Variants in PPEF1 observed in about 807,000 individuals in gnomAD.
PPEF1 encodes protein phosphatase with EF-hand domain 1.
Under a neutral mutation model 53.3 loss-of-function variants are expected in PPEF1, and 12 were observed. The observed-to-expected ratio is 0.23, with a 90% CI of 0.14 to 0.36. PPEF1 has a LOEUF of 0.36. PPEF1 is among the 10% of genes least tolerant of loss of function. The probability of loss-of-function intolerance (pLI) is 1.00; values close to 1 mark genes in which losing one functional copy is unlikely to be tolerated. For missense variants in PPEF1, 334 were observed against 490.4 expected (o/e 0.68, Z 3.01); for synonymous variants, 165 against 176.7 (o/e 0.93, Z 0.52).
intron 6 of PPEF1, among the ~76,000 whole-genome samples, chrX:18,771,846 A>G: frequency 8.9e-6 from 1 of 111,823 alleles, no homozygotes; most frequent in Admixed American, 9.6e-5. Context: ...CAGGTGTAGT[A>G]GCTCATGCCT....
At chrX:18,695,417 T>C (rs1276295124) in intron 4 of PPEF1, among the ~76,000 whole-genome samples, 1 of 112,556 alleles carries the variant, frequency 8.9e-6, no homozygotes, top group Non-Finnish European at 1.9e-5. Flanking sequence ...AGTTTCTGGG[T>C]CCAGCCTATG....
chrX:18,826,986 G>A (rs1004886482), intron 15 of PPEF1, among the ~76,000 whole-genome samples: 3 of 111,039 alleles, frequency 2.7e-5, no homozygotes, highest in African/African-American at 9.8e-5. Context: ...TCTATTTTAG[G>A]TCTTGTAATT....
intron 1 of PPEF1, among the ~76,000 whole-genome samples, chrX:18,722,398 C>T (rs1208274827): frequency 3.6e-5 from 4 of 112,241 alleles, no homozygotes; most frequent in African/African-American, 1.3e-4. Flanking sequence ...TAAATATTCG[C>T]TAATCCTGCT....
At chrX:18,740,934 T>C (rs1460169585) in intron 3 of PPEF1, among the ~76,000 whole-genome samples, 1 of 107,378 alleles carries the variant, frequency 9.3e-6, no homozygotes, top group African/African-American at 3.4e-5. Context: ...TTTTTTTTTT[T>C]TTTTGCTCTC....
chrX:18,820,761 T>C (rs1020882132), intron 13 of PPEF1, among the ~76,000 whole-genome samples: 3 of 111,363 alleles, frequency 2.7e-5, no homozygotes, highest in Non-Finnish European at 5.6e-5. Context: ...CAAGCACAAA[T>C]GGACCATTTA....
intron 13 of PPEF1, among the ~76,000 whole-genome samples, chrX:18,822,113 A>G (rs919203330): frequency 1.8e-5 from 2 of 112,151 alleles, no homozygotes. Flanking sequence ...TGAGGAAGCC[A>G]TGGGCTGTGG....
chrX:18,786,644 A>G (rs915341248), intron 9 of PPEF1, among the ~76,000 whole-genome samples: 3 of 108,843 alleles, frequency 2.8e-5, no homozygotes, highest in Non-Finnish European at 5.7e-5. Flanking sequence ...ATAGCTGGGC[A>G]TGGTGGTGCA....
chrX:18,739,123 C>T (rs986817885), intron 3 of PPEF1, among the ~76,000 whole-genome samples: 17 of 112,766 alleles, frequency 1.5e-4, no homozygotes, highest in East Asian at 2.8e-4. Context: ...CCGAGGCCTA[C>T]GGCTGTCAAC....
At chrX:18,723,771 A>G (rs1158322220) in intron 1 of PPEF1, among the ~76,000 whole-genome samples, 2 of 109,715 alleles carry the variant, frequency 1.8e-5, no homozygotes, top group Non-Finnish European at 3.8e-5. Flanking sequence ...ATGCTATTCT[A>G]TATACCATCT....
At position 18,816,780 on chromosome X, in the gene PPEF1, C is replaced by T. The variant is rs1031833631; in HGVS notation, c.1395-1259C>T. ...TGGACTGTTTTATCATTATAAAATA[C>T]CCCTCTTTGTCTCTGGTAACAATTT... On this transcript the variant is annotated intron_variant, in intron 12 of 15. Coordinates refer to ENST00000470157, the MANE Select transcript of PPEF1 (RefSeq NM_001377996.1). Among the ~76,000 whole-genome samples the T allele has an allele frequency of 2.7e-5, 3 of 111,343 alleles. No homozygotes were observed. In the East Asian group the frequency reaches 8.4e-4, roughly 31 times the overall value.
intron 6 of PPEF1, among the ~76,000 whole-genome samples, chrX:18,701,520 A>G (rs752425286): frequency 1.8e-5 from 2 of 112,659 alleles, no homozygotes; most frequent in East Asian, 5.6e-4. Context: ...AAACTGAGGT[A>G]CAGGGGAATT....
At chrX:18,715,312 A>C (rs987497063) in intron 1 of PPEF1, among the ~76,000 whole-genome samples, 1 of 111,648 alleles carries the variant, frequency 9.0e-6, no homozygotes, top group African/African-American at 3.3e-5. Flanking sequence ...TGGGTGGATC[A>C]CTTGAGGTCA....
intron 1 of PPEF1, among the ~76,000 whole-genome samples, chrX:18,722,437 A>G (rs2044608974): frequency 8.9e-6 from 1 of 112,181 alleles, no homozygotes. Flanking sequence ...TGCCAGAAGA[A>G]TTTCAAAAGC....
At chrX:18,797,890 G>A (rs1190359008) in intron 10 of PPEF1, among the ~76,000 whole-genome samples, 2 of 109,363 alleles carry the variant, frequency 1.8e-5, no homozygotes, top group East Asian at 5.7e-4. Context: ...TTTTAGTAGA[G>A]ACGGGGTTTC....
chrX:18,705,541 C>A (rs897227173), upstream of PPEF1, among the ~76,000 whole-genome samples: 1 of 111,282 alleles, frequency 9.0e-6, no homozygotes, highest in African/African-American at 3.3e-5. Context: ...TGGTGAGACC[C>A]CATGTCTACA....
intron 1 of PPEF1, among the ~76,000 whole-genome samples, chrX:18,711,092 G>GTATA (rs58474400): frequency 0.011 from 1,109 of 98,900 alleles, 12 homozygotes; most frequent in African/African-American, 0.037. Flanking sequence ...GTGTGTGTGT[G>GTATA]TATATATATA....
Position 18,827,306 on chromosome X carries a change from T to C in PPEF1, c.1781T>C (p.Met594Thr). 2.5e-6 allele frequency: 3 copies of C among 1,209,741 alleles called. No individual in the cohort carries two copies. The highest frequency in any genetic ancestry group is 3.4e-6 in the Non-Finnish European group (3 of 893,693). ...GLISVEEFRA[M>T]WKLFSSHYNV... ...ATCTCCGTGGAAGAATTTCGTGCCA[T>C]GTGGAAACTTTTTAGTTCTCACTAC... Residue 594 changes from methionine (M) to threonine (T), a missense_variant, in exon 16 of 16, where the codon ATG (methionine) becomes ACG (threonine). Met to Thr is a moderately conservative substitution (Grantham distance 81). Transcript: ENST00000470157.
intron 11 of PPEF1, 59 bp from the exon 12 acceptor site, chrX:18,806,344 T>C: frequency 8.9e-7 from 1 of 1,119,990 alleles, no homozygotes; most frequent in Non-Finnish European, 1.2e-6. Flanking sequence ...TCTGACCTTA[T>C]TGAATGACCT....
intron 12 of PPEF1, among the ~76,000 whole-genome samples, chrX:18,815,798 C>T (rs1373993934): frequency 3.0e-5 from 3 of 100,630 alleles, no homozygotes; most frequent in Non-Finnish European, 6.0e-5. Context: ...ATTATCTTTC[C>T]ATTCTCTATT....
Sources: gnomAD v4.1 joint callset for allele counts (sites outside exome capture counted in the v4.1 genomes callset) on GRCh38, gnomAD v4.1.1 for gene constraint, MANE v1.5 for transcripts, NCBI Gene and HGNC (gene_info 2026-07-23, HGNC 2026-07-21) for gene names.